OS9: variants seen among roughly 807,000 people sequenced by gnomAD.
OS9 encodes the protein OS9 endoplasmic reticulum lectin.
In OS9, 58 loss-of-function variants were observed where a neutral mutation model predicts 84.7. The ratio of observed to expected loss-of-function variants is 0.68; its 90% confidence interval spans 0.55 to 0.85. The LOEUF is 0.85. Ranked by LOEUF, OS9 falls within the 40% of genes least tolerant of loss-of-function variation. The pLI, the probability that OS9 is intolerant of heterozygous loss-of-function variation, is 0.00. For missense variants in OS9, 760 were observed against 850.9 expected (o/e 0.89, Z 1.33); for synonymous variants, 278 against 320.8 (o/e 0.87, Z 1.43).
intron 13 of OS9, 40 bp downstream of exon 13, chr12:57,720,303 G>T (rs1386843299): frequency 6.2e-7 from 1 of 1,612,358 alleles, no homozygotes; most frequent in Admixed American, 1.7e-5. Flanking sequence ...GCTGTCGGAA[G>T]GGCAAGCTGC....
intron 9 of OS9, among the ~76,000 whole-genome samples, chr12:57,717,228 A>G (rs560691831): frequency 2.3e-4 from 35 of 152,348 alleles, no homozygotes; most frequent in African/African-American, 8.2e-4. Context: ...GCTTGTTAGC[A>G]TCCATCTCTC....
chr12:57,694,364 A>C, intron 1 of OS9, 41 bp downstream of exon 1: 1 of 1,606,222 alleles, frequency 6.2e-7, no homozygotes, highest in Non-Finnish European at 8.5e-7. Flanking sequence ...GCAGAAGAGG[A>C]AGCGGGTAAG....
intron 5 of OS9, among the ~76,000 whole-genome samples, chr12:57,704,003 G>GT (rs1443022505): frequency 5.3e-5 from 8 of 152,056 alleles, no homozygotes; most frequent in Admixed American, 3.9e-4. Flanking sequence ...CTAGTTGATT[G>GT]TTTTTTTACA....
Position 57,716,724 on chromosome 12 carries a change from C to G in OS9, c.1025C>G (p.Ser342Ter), listed in dbSNP as rs138291548. Residue 342 changes from serine to a stop codon, truncating the protein, a stop_gained, in exon 9 of 15, where the codon TCA becomes TGA. Coordinates refer to ENST00000315970, the MANE Select transcript of OS9 (RefSeq NM_006812.4). LOFTEE classifies it high-confidence loss of function. ...EQDPSPEAAD[S>*]ASGAPNDFQN... is the part of the protein sequence containing the mutation. ...GACCCAAGCCCTGAGGCAGCAGATTCAGCTTCTGGTGCTCCCAATGGTGAG... is the reference window on the plus strand; with the variant it reads ...GACCCAAGCCCTGAGGCAGCAGATTGAGCTTCTGGTGCTCCCAATGGTGAG... 1 of 1,614,058 alleles carries G rather than the reference C, an allele frequency of 6.2e-7. No homozygotes were observed. The highest frequency in any genetic ancestry group is 1.6e-4 in the Middle Eastern group (1 of 6,062).
At chr12:57,699,992 G>A (rs1010418914) in intron 5 of OS9, among the ~76,000 whole-genome samples, 8 of 152,204 alleles carry the variant, frequency 5.3e-5, no homozygotes, top group Admixed American at 5.2e-4. Flanking sequence ...CTACTCGGGA[G>A]GCTGAGGCAG....
chr12:57,716,201 C>G lies in OS9; in HGVS notation c.892+8C>G, dbSNP rs756715893. On this transcript the variant is annotated splice_region_variant and intron_variant, in intron 7 of 14. Transcript: ENST00000315970. ...CACCCCAAAAGATGGCAGGTAGGAC[C>G]TTGTTTCACCTGTTCCGTGAAACTC... 8 of 1,555,028 alleles carry G rather than the reference C, an allele frequency of 5.1e-6. No individual in the cohort carries two copies. The highest frequency in any genetic ancestry group is 2.6e-6 in the Non-Finnish European group (3 of 1,135,810).
At chr12:57,719,235 A>T (rs1395841335) in intron 12 of OS9, 53 bp downstream of exon 12, 2 of 1,521,576 alleles carry the variant, frequency 1.3e-6, no homozygotes, top group Non-Finnish European at 1.8e-6. Context: ...TTCATCCCTC[A>T]GCTGGTTCTG....
At chr12:57,711,140 A>T (rs1954317584) in intron 5 of OS9, among the ~76,000 whole-genome samples, 1 of 147,782 alleles carries the variant, frequency 6.8e-6, no homozygotes, top group Admixed American at 6.8e-5. Context: ...CTCCAGCCCC[A>T]CAGGTTAACC....
intron 3 of OS9, 23 bp downstream of exon 3, chr12:57,695,866 T>C (rs1240783345): frequency 6.3e-7 from 1 of 1,598,610 alleles, no homozygotes; most frequent in Admixed American, 1.7e-5. Context: ...TATATTTTCC[T>C]TAAGCCCTTA....
At chr12:57,695,623 C>G (rs1478912745) in intron 2 of OS9, 157 bp from the exon 3 acceptor site, 4 of 719,574 alleles carry the variant, frequency 5.6e-6, no homozygotes, top group African/African-American at 5.2e-5. Flanking sequence ...GCCCTCCCTC[C>G]TTACTGAAAG....
intron 5 of OS9, among the ~76,000 whole-genome samples, chr12:57,705,397 A>C (rs1158258940): frequency 6.6e-6 from 1 of 152,188 alleles, no homozygotes; most frequent in African/African-American, 2.4e-5. Context: ...AAGTTCTTCT[A>C]CATCTTATGT....
At chr12:57,704,782 G>C (rs1200193717) in intron 5 of OS9, among the ~76,000 whole-genome samples, 2 of 151,942 alleles carry the variant, frequency 1.3e-5, no homozygotes, top group African/African-American at 4.8e-5. Context: ...AAACTTATCA[G>C]TCTTTTTCTT....
chr12:57,702,206 T>C (rs7952989), intron 5 of OS9, among the ~76,000 whole-genome samples: 56,847 of 152,088 alleles, frequency 0.37, 11,080 homozygotes, highest in Middle Eastern at 0.6. Flanking sequence ...ATCACTACTA[T>C]TTCCAAAACT....
intron 5 of OS9, among the ~76,000 whole-genome samples, chr12:57,704,026 T>G (rs1954097474): frequency 6.6e-6 from 1 of 152,208 alleles, no homozygotes. Flanking sequence ...AAAAGGTTAT[T>G]GAATTTATCA....
At chr12:57,709,998 G>A (rs1462256080) in intron 5 of OS9, among the ~76,000 whole-genome samples, 3 of 151,986 alleles carry the variant, frequency 2.0e-5, no homozygotes, top group Non-Finnish European at 4.4e-5. Context: ...AATTATAGGC[G>A]TGTGCCACCA....
chr12:57,711,071 A>G (rs552518639), intron 5 of OS9, among the ~76,000 whole-genome samples: 1 of 143,386 alleles, frequency 7.0e-6, no homozygotes, highest in East Asian at 2.1e-4. Flanking sequence ...AGAGAAAAAT[A>G]TTTCCTCCCA....
At chr12:57,716,217 C>A (rs773743283) in intron 7 of OS9, 24 bp downstream of exon 7, 3 of 1,481,080 alleles carry the variant, frequency 2.0e-6, no homozygotes, top group East Asian at 2.3e-5. Flanking sequence ...TCACCTGTTC[C>A]GTGAAACTCA....
At chr12:57,699,283 C>T (rs895995728) in intron 5 of OS9, among the ~76,000 whole-genome samples, 16 of 152,146 alleles carry the variant, frequency 1.1e-4, no homozygotes, top group Admixed American at 9.2e-4. Flanking sequence ...TGGAGTTCAG[C>T]AGAGAGATCT....
chr12:57,720,896 A>G lies in OS9; in HGVS notation c.1991A>G (p.Glu664Gly), dbSNP rs1760343262. Reference protein sequence around the residue: ...PGGEGTGDLDEFDF With the variant: ...PGGEGTGDLDGFDF Reference sequence around the variant, plus strand: ...GGGGAGGGCACAGGGGACCTGGACGAATTTGACTTCTGAGACCAACACTAC... The same window carrying G: ...GGGGAGGGCACAGGGGACCTGGACGGATTTGACTTCTGAGACCAACACTAC... Residue 664 changes from glutamate (E) to glycine (G), a missense_variant, in exon 15 of 15, where the codon GAA (glutamate) becomes GGA (glycine). By Grantham distance (98) the Glu-to-Gly change is moderately conservative. Transcript: ENST00000315970. 6.2e-7 allele frequency: 1 copy of G among 1,614,048 alleles called. No individual in the cohort carries two copies. Among genetic ancestry groups the G allele is most frequent in the African/African-American group, 1.3e-5 (1 of 74,918 alleles).
Sources: gnomAD v4.1 joint callset for allele counts (sites outside exome capture counted in the v4.1 genomes callset) on GRCh38, gnomAD v4.1.1 for gene constraint, MANE v1.5 for transcripts, NCBI Gene and HGNC (gene_info 2026-07-23, HGNC 2026-07-21) for gene names.